CRISP2: variants seen among roughly 807,000 people sequenced by gnomAD.
The protein encoded by CRISP2 is cysteine rich secretory protein 2, also known as cysteine-rich secretory protein 2.
Under a neutral mutation model 31.7 loss-of-function variants are expected in CRISP2, and 29 were observed. The ratio of observed to expected loss-of-function variants is 0.92; its 90% CI spans 0.68 to 1.25. The LOEUF (loss-of-function observed/expected upper bound fraction) is 1.25, where lower values mean the gene tolerates loss of function less well. Among genes scored for constraint, CRISP2 ranks in the 50% most tolerant of loss-of-function variants. CRISP2 has a pLI of 0.00. For synonymous variants in CRISP2, 111 were observed against 101.4 expected, an observed-to-expected ratio of 1.09 and a Z score of -0.57; for missense variants, 318 against 286.5, an observed-to-expected ratio of 1.11 and a Z score of -0.79.
the CRISP2 span, among the ~76,000 whole-genome samples, chr6:49,687,060 G>A: frequency 6.6e-6 from 1 of 152,062 alleles, no homozygotes; most frequent in South Asian, 2.1e-4. Context: ...TGTGGGATGG[G>A]GGGAGAGGGG....
the CRISP2 span, among the ~76,000 whole-genome samples, chr6:49,686,221 C>T: frequency 6.6e-6 from 1 of 152,164 alleles, no homozygotes; most frequent in African/African-American, 2.4e-5. Flanking sequence ...ATTTTAAAAG[C>T]TGCATAATAA....
chr6:49,691,280 C>T (rs1024027149), downstream of CRISP2, among the ~76,000 whole-genome samples: 1 of 151,972 alleles, frequency 6.6e-6, no homozygotes, highest in Admixed American at 6.6e-5. Flanking sequence ...TATTCCTTTT[C>T]TCTCCTAAAA....
At chr6:49,679,367 T>C in the CRISP2 span, among the ~76,000 whole-genome samples, 1 of 152,192 alleles carries the variant, frequency 6.6e-6, no homozygotes. Context: ...AAGATTAGGA[T>C]GATTCTGTTC....
At chr6:49,702,580 A>T (rs1046174399) in intron 4 of CRISP2, among the ~76,000 whole-genome samples, 1 of 151,852 alleles carries the variant, frequency 6.6e-6, no homozygotes, top group Admixed American at 6.6e-5. Flanking sequence ...AGCTTTTCGT[A>T]TGTTGGTCAG....
intron 9 of CRISP2, among the ~76,000 whole-genome samples, chr6:49,695,245 A>G (rs572388861): frequency 1.3e-5 from 2 of 152,276 alleles, no homozygotes; most frequent in African/African-American, 4.8e-5. Context: ...ATATGTGCAC[A>G]GTTTCTATGA....
intron 4 of CRISP2, among the ~76,000 whole-genome samples, chr6:49,702,310 C>T (rs1056311546): frequency 8.0e-5 from 12 of 150,220 alleles, no homozygotes; most frequent in African/African-American, 2.9e-4. Flanking sequence ...ACTTCTTTTC[C>T]TCTGAGTAGA....
At chr6:49,708,823 C>T (rs699954) in intron 4 of CRISP2, among the ~76,000 whole-genome samples, 113,738 of 152,154 alleles carry the variant, frequency 0.75, 42,736 homozygotes, top group Middle Eastern at 0.84. Context: ...TGAGATATTT[C>T]CTTCTTTCTT....
chr6:49,698,598 C>T, intron 6 of CRISP2, 91 bp from the exon 7 acceptor site: 2 of 1,347,400 alleles, frequency 1.5e-6, no homozygotes, highest in Non-Finnish European at 2.0e-6. Flanking sequence ...CCTTTCAAAC[C>T]CAGGGTCCAG....
At chr6:49,680,145 C>T in the CRISP2 span, among the ~76,000 whole-genome samples, 7 of 152,138 alleles carry the variant, frequency 4.6e-5, no homozygotes, top group Non-Finnish European at 7.4e-5. Context: ...GATCCTCTCC[C>T]TCCTGCATCC....
rs552074407 is a variant in CRISP2 at position 49,692,644 on chromosome 6, TG to T, written c.*128del. The T allele has an allele frequency of 8.5e-5, 71 of 835,740 alleles. No individual in the cohort carries two copies. The East Asian group carries it at 1.4e-3, about 16-fold the overall frequency. 51.8% of individuals were successfully genotyped at this position (835,740 alleles called of 1,614,324 possible). ...CCTGAAAGTGATTTCTGTGATGATC[TG>T]GGGGAGAAGATGCATTGCTCTTTGA... On this transcript the variant is annotated 3_prime_UTR_variant, in exon 10 of 10. Transcript: ENST00000339139.
At chr6:49,690,906 A>G (rs939886619), downstream of CRISP2, among the ~76,000 whole-genome samples, 6 of 151,920 alleles carry the variant, frequency 3.9e-5, no homozygotes, top group African/African-American at 2.4e-5. Context: ...AAGTGTTTTG[A>G]GTGTAACTCT....
chr6:49,712,841 T>A (rs1420861914), intron 1 of CRISP2, among the ~76,000 whole-genome samples: 1 of 152,200 alleles, frequency 6.6e-6, no homozygotes, highest in African/African-American at 2.4e-5. Context: ...CTTCTTGAAG[T>A]TCAGTAACTA....
chr6:49,700,908 T>C (rs1765557762), intron 4 of CRISP2, 124 bp from the exon 5 acceptor site: 1 of 562,738 alleles, frequency 1.8e-6, no homozygotes, highest in East Asian at 3.2e-5. Flanking sequence ...CATGTACATA[T>C]ATTAAATACT....
In CRISP2 at chr6:49,697,859, C is replaced by T. The variant is rs147611117; in HGVS notation, c.515+1G>A. ...CATTAAACTCTAAACAGTCTACTTA[C>T]GCAGGACAATATTGGCAAACATAGT... On this transcript the variant is annotated splice_donor_variant, in intron 8 of 9. Coordinates refer to ENST00000339139, the MANE Select transcript of CRISP2 (RefSeq NM_003296.4). LOFTEE classifies it high-confidence loss of function. 41 of 1,610,712 alleles carry T rather than the reference C, an allele frequency of 2.5e-5. No homozygotes were observed. The highest frequency in any genetic ancestry group is 1.8e-4 in the East Asian group (8 of 44,808).
At chr6:49,697,636 T>C in intron 8 of CRISP2, 1 of 1,235,354 alleles carries the variant, frequency 8.1e-7, no homozygotes, top group South Asian at 1.3e-5. Flanking sequence ...AGAAAAGACA[T>C]TATTCTGTTA....
intron 4 of CRISP2, among the ~76,000 whole-genome samples, chr6:49,708,548 A>G (rs1250659207): frequency 6.6e-6 from 1 of 152,196 alleles, no homozygotes; most frequent in African/African-American, 2.4e-5. Context: ...GCCACAAGCC[A>G]AGGAATGCCA....
intron 4 of CRISP2, among the ~76,000 whole-genome samples, chr6:49,708,523 G>A (rs1388009004): frequency 6.6e-6 from 1 of 152,172 alleles, no homozygotes; most frequent in Non-Finnish European, 1.5e-5. Context: ...TGGAGGCAGA[G>A]ATTGGAGTGA....
At chr6:49,705,032 A>G (rs1766780413) in intron 4 of CRISP2, among the ~76,000 whole-genome samples, 2 of 152,108 alleles carry the variant, frequency 1.3e-5, no homozygotes, top group South Asian at 2.1e-4. Flanking sequence ...CTGGATAAGT[A>G]TTCAGGTTTT....
downstream of CRISP2, among the ~76,000 whole-genome samples, chr6:49,690,086 T>G (rs530887204): frequency 6.6e-6 from 1 of 152,164 alleles, no homozygotes; most frequent in South Asian, 2.1e-4. Context: ...AAATTCATAT[T>G]GTTTGCTTAT....
Sources: allele counts gnomAD v4.1 joint callset (sites outside exome capture counted in the v4.1 genomes callset), GRCh38; gene constraint gnomAD v4.1.1; transcripts MANE v1.5; gene names NCBI Gene and HGNC (gene_info 2026-07-23, HGNC 2026-07-21).